The following SORCS1 variants were observed in gnomAD, a reference collection of about 807,000 sequenced individuals.
SORCS1 encodes the protein VPS10 domain-containing receptor SorCS1.
A neutral mutation model predicts 146.1 loss-of-function variants in SORCS1; 60 were observed. The ratio of observed to expected loss-of-function variants is 0.41; its 90% confidence interval spans 0.33 to 0.51. SORCS1 has a LOEUF of 0.51. Ranked by LOEUF, SORCS1 falls within the 20% of genes least tolerant of loss-of-function variation. The probability of loss-of-function intolerance (pLI) is 0.21; values close to 1 mark genes in which losing one functional copy is unlikely to be tolerated. For missense variants in SORCS1, 1,352 were observed against 1,487.6 expected, an observed-to-expected ratio of 0.91 and a Z score of 1.50; for synonymous variants, 637 against 584.0, an observed-to-expected ratio of 1.09 and a Z score of -1.31.
chr10:106,727,718 G>A (rs1412054198), intron 6 of SORCS1, among the ~76,000 whole-genome samples: 1 of 152,212 alleles, frequency 6.6e-6, no homozygotes, highest in African/African-American at 2.4e-5. Flanking sequence ...GAGTTTACGA[G>A]AGGCTTTTCT....
At chr10:106,989,661 A>AT (rs1203005927) in intron 1 of SORCS1, among the ~76,000 whole-genome samples, 43 of 116,232 alleles carry the variant, frequency 3.7e-4, no homozygotes, top group African/African-American at 1.7e-3. Context: ...ATATACTCAT[A>AT]TTTTTTCTGT....
intron 1 of SORCS1, among the ~76,000 whole-genome samples, chr10:107,108,448 A>G (rs942956765): frequency 3.9e-5 from 6 of 152,262 alleles, no homozygotes; most frequent in African/African-American, 1.4e-4. Context: ...CAAACAAGAG[A>G]GTAGTGGTGA....
intron 1 of SORCS1, among the ~76,000 whole-genome samples, chr10:107,154,008 CTTTTTT>C (rs71025579): frequency 1.1e-5 from 1 of 94,034 alleles, no homozygotes; most frequent in Admixed American, 1.3e-4. Context: ...CTTTTCTTTT[CTTTTTT>C]TTTTTTTTTT....
chr10:106,605,562 C>T (rs191993914), intron 23 of SORCS1, among the ~76,000 whole-genome samples: 23 of 152,284 alleles, frequency 1.5e-4, no homozygotes, highest in Admixed American at 6.5e-4. Context: ...GGATAGGGAT[C>T]TGCTTTCCCT....
intron 10 of SORCS1, among the ~76,000 whole-genome samples, chr10:106,687,173 C>T (rs1214331590): frequency 1.3e-5 from 2 of 152,194 alleles, no homozygotes; most frequent in Admixed American, 6.5e-5. Context: ...AAAATTGGGG[C>T]AGGCATCAGA....
chr10:106,695,441 G>A (rs1175765132), intron 9 of SORCS1, among the ~76,000 whole-genome samples: 2 of 152,162 alleles, frequency 1.3e-5, no homozygotes, highest in African/African-American at 4.8e-5. Context: ...CCCAGATGCT[G>A]ATCCTTCAGG....
chr10:106,943,198 A>G (rs1954140399), intron 2 of SORCS1, among the ~76,000 whole-genome samples: 1 of 152,116 alleles, frequency 6.6e-6, no homozygotes, highest in Non-Finnish European at 1.5e-5. Flanking sequence ...TTACTTAACT[A>G]TCTGTGGTGT....
At chr10:106,669,153 G>T (rs1851393315) in intron 16 of SORCS1, among the ~76,000 whole-genome samples, 1 of 152,022 alleles carries the variant, frequency 6.6e-6, no homozygotes, top group South Asian at 2.1e-4. Context: ...AAGACTAAGG[G>T]GCACGAGAGA....
intron 2 of SORCS1, among the ~76,000 whole-genome samples, chr10:106,837,772 T>A (rs888545492): frequency 2.1e-4 from 32 of 152,024 alleles, no homozygotes; most frequent in African/African-American, 7.5e-4. Flanking sequence ...CATTCCAGTC[T>A]TGTCCCTTCA....
intron 1 of SORCS1, among the ~76,000 whole-genome samples, chr10:106,969,685 A>T (rs78240690): frequency 0.011 from 1,640 of 152,368 alleles, 26 homozygotes; most frequent in African/African-American, 0.038. Context: ...AGAGATAGAC[A>T]TACGTTTGTT....
intron 1 of SORCS1, among the ~76,000 whole-genome samples, chr10:107,034,770 AC>A (rs1192701924): frequency 6.6e-6 from 1 of 151,286 alleles, no homozygotes; most frequent in Non-Finnish European, 1.5e-5. Context: ...GAATGAAAGA[AC>A]CATCTCTCCC....
At chr10:106,781,131 TGTC>T (rs1860863256) in intron 3 of SORCS1, among the ~76,000 whole-genome samples, 1 of 152,180 alleles carries the variant, frequency 6.6e-6, no homozygotes, top group African/African-American at 2.4e-5. Context: ...TCCTTCCAGT[TGTC>T]GTCTCCTGCG....
intron 2 of SORCS1, among the ~76,000 whole-genome samples, chr10:106,930,828 C>CAA (rs1953380826): frequency 3.9e-5 from 6 of 152,166 alleles, no homozygotes; most frequent in African/African-American, 1.4e-4. Flanking sequence ...TCCCCACTAA[C>CAA]TCCTTCTGAA....
At chr10:106,654,387 T>C (rs1020957519) in intron 17 of SORCS1, among the ~76,000 whole-genome samples, 11 of 152,208 alleles carry the variant, frequency 7.2e-5, no homozygotes, top group African/African-American at 2.7e-4. Context: ...CTAGCACACA[T>C]CCCCTCTTTA....
intron 2 of SORCS1, 58 bp from the exon 3 acceptor site, chr10:106,829,731 C>A (rs1948458762): frequency 2.3e-6 from 3 of 1,281,900 alleles, no homozygotes; most frequent in South Asian, 1.2e-5. Flanking sequence ...GGCTGCTTGT[C>A]AGTATAATGC....
rs1590095260 is a variant in SORCS1 at position 107,083,273 on chromosome 10, T to G, written c.558+80696A>C. On this transcript the variant is annotated intron_variant, in intron 1 of 25. Transcript: ENST00000263054. ...GAACTAGGAACTGTGGTAAGCAGATTTGAAAGGAAGAATAAAATCTAAAGC... is the reference window on the plus strand; with the variant it reads ...GAACTAGGAACTGTGGTAAGCAGATGTGAAAGGAAGAATAAAATCTAAAGC... Among the ~76,000 whole-genome samples the G allele has an allele frequency of 2.0e-5, 3 of 152,296 alleles. No homozygotes were observed. In the South Asian group the frequency reaches 6.2e-4, roughly 32 times the overall value.
intron 1 of SORCS1, among the ~76,000 whole-genome samples, chr10:107,146,568 G>A (rs1449576980): frequency 6.6e-6 from 1 of 152,126 alleles, no homozygotes; most frequent in Non-Finnish European, 1.5e-5. Flanking sequence ...CCTGGTGTAT[G>A]TCAGGTATAC....
chr10:106,679,412 G>T lies in SORCS1; in HGVS notation c.1664-80C>A, dbSNP rs552393800. On this transcript the variant is annotated intron_variant, in intron 11 of 25. Transcript: ENST00000263054. Reference sequence around the variant, plus strand: ...GACTATATTGGCAGGTGCACTGCCTGAGAAAGATTTTGACTGCAAGCATTC... The same window carrying T: ...GACTATATTGGCAGGTGCACTGCCTTAGAAAGATTTTGACTGCAAGCATTC... The T allele has an allele frequency of 8.2e-6, 10 of 1,214,500 alleles. No homozygotes were observed. In the East Asian group the frequency reaches 2.3e-4, roughly 28 times the overall value. The allele number at this position is 1,214,500 out of a possible 1,614,324, so 75.2% of individuals were successfully genotyped here.
At chr10:106,610,842 G>C (rs549602827) in intron 22 of SORCS1, among the ~76,000 whole-genome samples, 1 of 152,192 alleles carries the variant, frequency 6.6e-6, no homozygotes, top group Non-Finnish European at 1.5e-5. Context: ...ACTTTGGGAG[G>C]CCGGGGCAGT....
Sources: gnomAD v4.1 joint callset for allele counts (sites outside exome capture counted in the v4.1 genomes callset) on GRCh38, gnomAD v4.1.1 for gene constraint, MANE v1.5 for transcripts, NCBI Gene and HGNC (gene_info 2026-07-23, HGNC 2026-07-21) for gene names.